Variants in GALNT10 observed in about 807,000 individuals in gnomAD.
GALNT10 encodes the protein polypeptide N-acetylgalactosaminyltransferase 10.
GALNT10 carries 41 observed loss-of-function variants against 75.0 expected under a neutral mutation model. The observed-to-expected ratio is 0.55, with a 90% confidence interval of 0.43 to 0.71. The LOEUF is 0.71. Among genes scored for constraint, GALNT10 ranks in the 30% least tolerant of loss-of-function variants. The pLI is 0.00. For missense variants in GALNT10, 727 were observed against 818.5 expected (o/e 0.89, Z 1.36); for synonymous variants, 302 against 313.0 (o/e 0.96, Z 0.37).
intron 1 of GALNT10, among the ~76,000 whole-genome samples, chr5:154,293,071 A>C (rs899993015): frequency 6.6e-6 from 1 of 152,206 alleles, no homozygotes; most frequent in African/African-American, 2.4e-5. Flanking sequence ...AAGAATACAA[A>C]GGATTGTTAT....
chr5:154,223,366 TG>T (rs1753011772), intron 1 of GALNT10, among the ~76,000 whole-genome samples: 1 of 152,196 alleles, frequency 6.6e-6, no homozygotes, highest in Admixed American at 6.5e-5. Context: ...AGCTAGGACA[TG>T]GGGGACCTGG....
intron 6 of GALNT10, among the ~76,000 whole-genome samples, 170 bp downstream of exon 6, chr5:154,380,801 C>T (rs939218709): frequency 3.3e-5 from 5 of 152,162 alleles, no homozygotes; most frequent in African/African-American, 1.2e-4. Flanking sequence ...ACCATCCCTC[C>T]CAGCTTGTAA....
Position 154,376,008 on chromosome 5 carries a change from C to T in GALNT10, c.569-269C>T, listed in dbSNP as rs149352154. The stretch of plus-strand genomic sequence containing the variant: ...GGAATGGTTCCCAGTCAGGCATAAA[C>T]CACAAATGTTCACACCCTTGGACAG... On this transcript the variant is annotated intron_variant, in intron 4 of 11. Coordinates refer to ENST00000297107, the MANE Select transcript of GALNT10 (RefSeq NM_198321.4). The surrounding 1 kb of genome is among the most constrained non-coding windows in gnomAD (Gnocchi z 4.1). Among the ~76,000 whole-genome samples, 2 of 152,340 alleles carry T rather than the reference C, an allele frequency of 1.3e-5. No individual in the cohort carries two copies. Among genetic ancestry groups the T allele is most frequent in the Middle Eastern group, 3.4e-3 (1 of 294 alleles).
chr5:154,228,011 T>C (rs1269404169), intron 1 of GALNT10, among the ~76,000 whole-genome samples: 2 of 152,112 alleles, frequency 1.3e-5, no homozygotes, highest in African/African-American at 4.8e-5. Flanking sequence ...TGTTTAAAAC[T>C]GTGTGGCACC....
intron 4 of GALNT10, among the ~76,000 whole-genome samples, chr5:154,332,117 A>C (rs561317552): frequency 6.6e-6 from 1 of 152,268 alleles, no homozygotes; most frequent in South Asian, 2.1e-4. Context: ...TTCTCCCAGC[A>C]TGAGCTGCCA....
chr5:154,346,139 C>CATGT (rs1554099629), intron 4 of GALNT10, among the ~76,000 whole-genome samples: 3 of 147,718 alleles, frequency 2.0e-5, no homozygotes, highest in Non-Finnish European at 3.0e-5. Context: ...TTCGTGTGTG[C>CATGT]GTGTGTGTGT....
At chr5:154,404,614 G>A (rs1203148573) in intron 8 of GALNT10, among the ~76,000 whole-genome samples, 2 of 152,186 alleles carry the variant, frequency 1.3e-5, no homozygotes, top group Non-Finnish European at 2.9e-5. Flanking sequence ...ATGTGTATTC[G>A]TGTAGCTAAC....
chr5:154,326,378 C>A (rs1754756621), intron 3 of GALNT10, among the ~76,000 whole-genome samples: 1 of 152,104 alleles, frequency 6.6e-6, no homozygotes, highest in South Asian at 2.1e-4. Flanking sequence ...TACCTTTGAC[C>A]CAGCAATCCA....
At chr5:154,365,248 A>G (rs904164707) in intron 4 of GALNT10, among the ~76,000 whole-genome samples, 3 of 152,198 alleles carry the variant, frequency 2.0e-5, no homozygotes, top group Non-Finnish European at 4.4e-5. Flanking sequence ...CACCAAAGGC[A>G]TGTTCAGGCC....
At chr5:154,257,738 C>G (rs1286002603) in intron 1 of GALNT10, among the ~76,000 whole-genome samples, 1 of 151,420 alleles carries the variant, frequency 6.6e-6, no homozygotes, top group Non-Finnish European at 1.5e-5. Flanking sequence ...AATATATGTA[C>G]AATATAGATT....
chr5:154,258,116 C>T (rs368055838), intron 1 of GALNT10, among the ~76,000 whole-genome samples: 2 of 152,074 alleles, frequency 1.3e-5, no homozygotes, highest in East Asian at 1.9e-4. Context: ...AAATAGAGTG[C>T]AAAATTCTTA....
Position 154,376,479 on chromosome 5 carries a change from C to T in GALNT10, c.754+17C>T, listed in dbSNP as rs1755653398. On this transcript the variant is annotated intron_variant, in intron 5 of 11. Coordinates refer to ENST00000297107, the MANE Select transcript of GALNT10 (RefSeq NM_198321.4). This position sits in a 1 kb window ranked among gnomAD's most constrained non-coding sequence, Gnocchi z 4.1. Reference sequence around the variant, plus strand: ...CCTTGCTTGGTAAGGGAGCCCCTCCCACTTGGAGGGAGGCAAACTGCAATG... The same window carrying T: ...CCTTGCTTGGTAAGGGAGCCCCTCCTACTTGGAGGGAGGCAAACTGCAATG... The T allele has an allele frequency of 1.9e-6, 3 of 1,549,290 alleles. No homozygotes were observed. In the African/African-American group the frequency reaches 4.2e-5, roughly 22 times the overall value.
intron 3 of GALNT10, among the ~76,000 whole-genome samples, chr5:154,307,929 GA>G (rs912734914): frequency 9.8e-5 from 14 of 142,164 alleles, no homozygotes; most frequent in Non-Finnish European, 1.8e-4. Context: ...AATAAAGTAT[GA>G]AAAGAAAAAC....
chr5:154,246,682 T>G (rs936073918), intron 1 of GALNT10, among the ~76,000 whole-genome samples: 3 of 152,362 alleles, frequency 2.0e-5, no homozygotes, highest in Admixed American at 6.5e-5. Flanking sequence ...TAAATTTATC[T>G]GAGTTCATTG....
chr5:154,306,909 T>G (rs992080602), intron 3 of GALNT10, among the ~76,000 whole-genome samples: 2 of 152,040 alleles, frequency 1.3e-5, no homozygotes, highest in South Asian at 2.1e-4. Flanking sequence ...TATAGAACAC[T>G]CCACCAATAA....
At position 154,416,517 on chromosome 5, in the gene GALNT10, A is replaced by ACACACACG. The variant is rs1756514948; in HGVS notation, c.1654-296_1654-295insACACACGC. ...CACACACACACACACACACACACAC[A>ACACACACG]CGATAAGGACCAGTGAGGTCTGACA... is the stretch of plus-strand genomic sequence containing the variant. On this transcript the variant is annotated intron_variant, in intron 11 of 11. Transcript: ENST00000297107. This position sits in a 1 kb window ranked among gnomAD's most constrained non-coding sequence, Gnocchi z 4.5. Among the ~76,000 whole-genome samples, 1 of 150,936 alleles carries ACACACACG rather than the reference A, an allele frequency of 6.6e-6. No homozygotes were observed. The highest frequency in any genetic ancestry group is 1.5e-5 in the Non-Finnish European group (1 of 67,702).
chr5:154,260,935 A>C (rs1753690482), intron 1 of GALNT10, among the ~76,000 whole-genome samples: 1 of 152,218 alleles, frequency 6.6e-6, no homozygotes, highest in South Asian at 2.1e-4. Flanking sequence ...GGGAATGTAT[A>C]AATACTGCTT....
intron 4 of GALNT10, among the ~76,000 whole-genome samples, chr5:154,354,377 T>G (rs1172425127): frequency 6.6e-6 from 1 of 152,146 alleles, no homozygotes; most frequent in African/African-American, 2.4e-5. Context: ...AGCTTTCTCT[T>G]CACAGTAGTG....
intron 4 of GALNT10, among the ~76,000 whole-genome samples, chr5:154,375,388 A>C (rs1755639552): frequency 6.6e-6 from 1 of 152,174 alleles, no homozygotes; most frequent in Non-Finnish European, 1.5e-5. Flanking sequence ...AAATCAAGAG[A>C]CACCAACATT....
Sources: gnomAD v4.1 joint callset for allele counts (sites outside exome capture counted in the v4.1 genomes callset) on GRCh38, gnomAD v4.1.1 for gene constraint, Gnocchi (gnomAD v3.1) non-coding constraint, MANE v1.5 for transcripts, NCBI Gene and HGNC (gene_info 2026-07-23, HGNC 2026-07-21) for gene names.